Variants in METTL16 observed in about 807,000 individuals in gnomAD.
METTL16 encodes the protein RNA N(6)-adenosine-methyltransferase METTL16.
METTL16 carries 19 observed loss-of-function variants against 57.9 expected under a neutral mutation model. The ratio of observed to expected loss-of-function variants is 0.33; its 90% CI spans 0.23 to 0.48. The LOEUF is 0.48. METTL16 is among the 20% of genes least tolerant of loss of function. The pLI is 0.99. For missense variants in METTL16, 434 were observed against 691.5 expected, an observed-to-expected ratio of 0.63 and a Z score of 4.18; for synonymous variants, 246 against 255.6, an observed-to-expected ratio of 0.96 and a Z score of 0.36.
In METTL16 at chr17:2,477,846, C is replaced by A. The variant is rs747248581; in HGVS notation, c.168G>T (p.Thr56=). 7.4e-6 allele frequency: 12 copies of A among 1,613,930 alleles called. No individual in the cohort carries two copies. The South Asian group carries it at 1.1e-4, about 15-fold the overall frequency. ...FKDPEAVRAL[T]CTLLREDFGL... ...CAAAATCTTCCCTTAGGAGAGTACACGTCAGAGCTCTGACTGCTTCGGGGT... is the reference window on the plus strand; with the variant it reads ...CAAAATCTTCCCTTAGGAGAGTACAAGTCAGAGCTCTGACTGCTTCGGGGT... The change falls in exon 3 of 10, where the codon ACG becomes ACT. Residue 56 remains threonine, a synonymous_variant. Coordinates refer to ENST00000263092, the MANE Select transcript of METTL16 (RefSeq NM_024086.4).
chr17:2,434,227 C>G (rs1001372669), intron 8 of METTL16, among the ~76,000 whole-genome samples: 6 of 152,308 alleles, frequency 3.9e-5, no homozygotes, highest in East Asian at 1.9e-4. Flanking sequence ...GAGACCCAGT[C>G]TCACTCTGTC....
At chr17:2,427,004 A>C (rs1025545675) in intron 8 of METTL16, among the ~76,000 whole-genome samples, 1 of 150,298 alleles carries the variant, frequency 6.7e-6, no homozygotes. Context: ...AGAGCCGGGC[A>C]TGGAGGCATA....
intron 1 of METTL16, among the ~76,000 whole-genome samples, chr17:2,511,389 T>C (rs1411656767): frequency 6.6e-6 from 1 of 152,116 alleles, no homozygotes; most frequent in African/African-American, 2.4e-5. Context: ...CACACCAATC[T>C]ACATCTTCTC....
At chr17:2,429,562 C>G (rs141446851) in intron 8 of METTL16, among the ~76,000 whole-genome samples, 1 of 151,220 alleles carries the variant, frequency 6.6e-6, no homozygotes, top group Non-Finnish European at 1.5e-5. Flanking sequence ...GGAGAAGTTT[C>G]CTTTCATAGA....
At chr17:2,428,744 GA>G (rs955764767) in intron 8 of METTL16, among the ~76,000 whole-genome samples, 15 of 142,236 alleles carry the variant, frequency 1.1e-4, no homozygotes, top group South Asian at 2.2e-4. Flanking sequence ...TTAATAAAAA[GA>G]AAAAAAAAAG....
intron 8 of METTL16, among the ~76,000 whole-genome samples, chr17:2,422,605 C>A (rs949188704): frequency 6.6e-6 from 1 of 150,688 alleles, no homozygotes; most frequent in Non-Finnish European, 1.5e-5. Flanking sequence ...CTCTTGACCT[C>A]GTGATCCACC....
intron 4 of METTL16, 60 bp from the exon 5 acceptor site, chr17:2,467,936 CCGCG>C (rs1370083744): frequency 1.8e-5 from 20 of 1,122,468 alleles, no homozygotes; most frequent in South Asian, 1.5e-4. Flanking sequence ...TAAAGTATAA[CCGCG>C]CACTGCGTAA....
At chr17:2,442,252 C>T (rs909847412) in intron 6 of METTL16, among the ~76,000 whole-genome samples, 4 of 152,158 alleles carry the variant, frequency 2.6e-5, no homozygotes, top group African/African-American at 9.7e-5. Flanking sequence ...AGCTGTTTTT[C>T]AGACATTGGA....
intron 8 of METTL16, among the ~76,000 whole-genome samples, chr17:2,429,985 CTA>C (rs2066859301): frequency 6.8e-6 from 1 of 146,580 alleles, no homozygotes; most frequent in Non-Finnish European, 1.5e-5. Flanking sequence ...TAATTTTTTT[CTA>C]TTTTTAGTGG....
At chr17:2,422,996 C>T (rs2066778931) in intron 8 of METTL16, among the ~76,000 whole-genome samples, 1 of 151,982 alleles carries the variant, frequency 6.6e-6, no homozygotes, top group South Asian at 2.1e-4. Context: ...ACAACAACAA[C>T]AAAAAGGATA....
rs530273528 is a variant in METTL16 at position 2,451,076 on chromosome 17, A to T, written c.729-9517T>A. Among the ~76,000 whole-genome samples the T allele has an allele frequency of 5.9e-5, 9 of 152,314 alleles. No individual in the cohort carries two copies. In the East Asian group the frequency reaches 1.3e-3, roughly 23 times the overall value. On this transcript the variant is annotated intron_variant, in intron 6 of 9. Coordinates refer to ENST00000263092, the MANE Select transcript of METTL16 (RefSeq NM_024086.4). ...CATAAATGAAAAATCTAATTATTTT[A>T]AAAGTATGAAAAATACTATTATATT...
At position 2,416,955 on chromosome 17, in the gene METTL16, C is replaced by T. The variant is rs965568387; in HGVS notation, c.*3015G>A. 3.3e-5 allele frequency: 5 copies of T among 151,656 alleles called. No homozygotes were observed. The highest frequency in any genetic ancestry group is 5.9e-5 in the Non-Finnish European group (4 of 68,150). 9.4% of individuals were successfully genotyped at this position (151,656 alleles called of 1,614,324 possible). The stretch of plus-strand genomic sequence containing the variant: ...TTTAAAAATATTTTCAATGTTCTCT[C>T]ACTAGGTAGCCTAAGAAAATCTTCT... On this transcript the variant is annotated 3_prime_UTR_variant, in exon 10 of 10. Coordinates refer to ENST00000263092, the MANE Select transcript of METTL16 (RefSeq NM_024086.4).
rs149531892 is a variant in METTL16, at chr17:2,433,895, G to A, written c.888+4214C>T. Among the ~76,000 whole-genome samples the A allele has an allele frequency of 4.4e-4, 67 of 152,258 alleles. 1 individual carries two copies. The highest frequency in any genetic ancestry group is 1.4e-3 in the African/African-American group (60 of 41,552). On this transcript the variant is annotated intron_variant, in intron 8 of 9. Coordinates refer to ENST00000263092, the MANE Select transcript of METTL16 (RefSeq NM_024086.4). ...CGGTCTTTGACTAGCCCCAGCCTGA[G>A]CCACTTCCTTTTCTCAACTCCTGGC...
chr17:2,507,850 T>C (rs1046871650), intron 1 of METTL16, among the ~76,000 whole-genome samples: 6 of 152,162 alleles, frequency 3.9e-5, no homozygotes, highest in Non-Finnish European at 7.3e-5. Flanking sequence ...CTCTCTGAAA[T>C]ATGTGCTGTG....
At chr17:2,442,303 G>A (rs1386733329) in intron 6 of METTL16, among the ~76,000 whole-genome samples, 1 of 152,154 alleles carries the variant, frequency 6.6e-6, no homozygotes, top group Non-Finnish European at 1.5e-5. Flanking sequence ...AACAAATGAG[G>A]TGAGCCTGCA....
rs1269412935 is a variant in METTL16, at chr17:2,500,753, A to T, written c.128+1451T>A. ...TCTTTCTCAGAGGTATAAAAGACACATCAGTCATTCCCATATAGTTATCAT... is the reference window on the plus strand; with the variant it reads ...TCTTTCTCAGAGGTATAAAAGACACTTCAGTCATTCCCATATAGTTATCAT... On this transcript the variant is annotated intron_variant, in intron 2 of 9. Coordinates refer to ENST00000263092, the MANE Select transcript of METTL16 (RefSeq NM_024086.4). 2.0e-5 allele frequency among the ~76,000 whole-genome samples: 3 copies of T among 152,174 alleles called. No homozygotes were observed. The East Asian group carries it at 5.8e-4, about 29-fold the overall frequency.
rs549918786 is a variant in METTL16, at chr17:2,494,084, T to C, written c.128+8120A>G. Among the ~76,000 whole-genome samples, 8 of 152,348 alleles carry C rather than the reference T, an allele frequency of 5.3e-5. No individual in the cohort carries two copies. In the East Asian group the frequency reaches 1.3e-3, roughly 26 times the overall value. On this transcript the variant is annotated intron_variant, in intron 2 of 9. Transcript: ENST00000263092. Reference sequence around the variant, plus strand: ...TGTTTTTGACAGAGTCTCGCTCTGTTGCCCTGGCTGGAGTGCAGTGGTGCA... The same window carrying C: ...TGTTTTTGACAGAGTCTCGCTCTGTCGCCCTGGCTGGAGTGCAGTGGTGCA...
chr17:2,484,622 G>A (rs1273582244), intron 2 of METTL16, among the ~76,000 whole-genome samples: 1 of 152,024 alleles, frequency 6.6e-6, no homozygotes, highest in Non-Finnish European at 1.5e-5. Context: ...AACCTCCTGA[G>A]TAGATAGGAC....
intron 1 of METTL16, among the ~76,000 whole-genome samples, chr17:2,507,078 G>GGT (rs2067545376): frequency 6.6e-6 from 1 of 150,756 alleles, no homozygotes; most frequent in African/African-American, 2.4e-5. Context: ...GGGAGGTGGG[G>GGT]GTCAGCCCCC....
Sources: allele counts gnomAD v4.1 joint callset (sites outside exome capture counted in the v4.1 genomes callset), GRCh38; gene constraint gnomAD v4.1.1; transcripts MANE v1.5; gene names NCBI Gene and HGNC (gene_info 2026-07-23, HGNC 2026-07-21).